Variants in ARID3B observed in about 807,000 individuals in gnomAD.
ARID3B encodes the protein AT-rich interaction domain 3B, also known as AT-rich interactive domain-containing protein 3B.
In ARID3B, 10 loss-of-function variants were observed where a neutral mutation model predicts 51.9. The ratio of observed to expected loss-of-function variants is 0.19; its 90% CI spans 0.12 to 0.33. The LOEUF (loss-of-function observed/expected upper bound fraction) is 0.33, where lower values mean the gene tolerates loss of function less well. Ranked by LOEUF, ARID3B falls within the 10% of genes least tolerant of loss-of-function variation. The pLI, the probability that ARID3B is intolerant of heterozygous loss-of-function variation, is 1.00. For synonymous variants in ARID3B, 205 were observed against 279.5 expected (o/e 0.73, Z 2.66); for missense variants, 483 against 716.3 (o/e 0.67, Z 3.72).
rs2141479344 is a variant in ARID3B at position 74,590,003 on chromosome 15, A to G, written c.881A>G (p.Gln294Arg). The change falls in exon 5 of 9, where the codon CAG becomes CGG. Residue 294 changes from glutamine to arginine, a missense_variant and splice_region_variant. By Grantham distance (43) the Gln-to-Arg change is conservative (BLOSUM62 1). Transcript: ENST00000346246. ...ITSAAFTLRT[Q>R]YMKYLYAYEC... ...AGCGCCGCCTTCACCCTCAGGACGCAGTGAGTGGCCAGGGCCTGGGAGAAG... is the reference window on the plus strand; with the variant it reads ...AGCGCCGCCTTCACCCTCAGGACGCGGTGAGTGGCCAGGGCCTGGGAGAAG... 6.2e-7 allele frequency: 1 copy of G among 1,608,784 alleles called. No individual in the cohort carries two copies. The highest frequency in any genetic ancestry group is 1.7e-5 in the Admixed American group (1 of 59,152).
rs373012795 is a variant in ARID3B at position 74,588,248 on chromosome 15, A to G, written c.698-1572A>G. Among the ~76,000 whole-genome samples the G allele has an allele frequency of 6.2e-3, 936 of 151,712 alleles. 3 individuals are homozygous for G. The highest frequency in any genetic ancestry group is 0.01 in the Non-Finnish European group (693 of 67,908). On this transcript the variant is annotated intron_variant, in intron 4 of 8. Transcript: ENST00000346246. Reference sequence around the variant, plus strand: ...GACCCTATCTTTTAAAAAAAAAAAAAAAGAAGAAGAAGAGGCCTGGTCCTG... The same window carrying G: ...GACCCTATCTTTTAAAAAAAAAAAAGAAGAAGAAGAAGAGGCCTGGTCCTG...
chr15:74,575,584 CTT>C (rs1453789046), intron 4 of ARID3B, among the ~76,000 whole-genome samples: 1 of 152,192 alleles, frequency 6.6e-6, no homozygotes, highest in Non-Finnish European at 1.5e-5. Context: ...AGAGAACAGT[CTT>C]TGCTGCATAT....
chr15:74,557,116 T>C (rs770466678), intron 2 of ARID3B, among the ~76,000 whole-genome samples: 19 of 151,950 alleles, frequency 1.3e-4, no homozygotes, highest in African/African-American at 4.1e-4. Flanking sequence ...CAGAGACTTA[T>C]ATGTAATAAA....
At chr15:74,577,860 T>G (rs2061743676) in intron 4 of ARID3B, among the ~76,000 whole-genome samples, 1 of 151,956 alleles carries the variant, frequency 6.6e-6, no homozygotes, top group South Asian at 2.1e-4. Flanking sequence ...TTTAATCATG[T>G]GAGGCTTGCT....
intron 2 of ARID3B, among the ~76,000 whole-genome samples, chr15:74,557,588 T>C (rs991294602): frequency 3.3e-5 from 5 of 152,204 alleles, no homozygotes; most frequent in African/African-American, 1.2e-4. Flanking sequence ...AGAAATCTAG[T>C]GTCAGTCTGT....
intron 2 of ARID3B, among the ~76,000 whole-genome samples, chr15:74,557,466 C>T (rs1019025109): frequency 3.9e-5 from 6 of 151,900 alleles, no homozygotes; most frequent in African/African-American, 7.2e-5. Context: ...TTTTATTTTG[C>T]CCTCACTTTT....
In ARID3B at chr15:74,596,987, G is replaced by A. The variant is rs889870588; in HGVS notation, c.*1213G>A. 8 of 233,928 alleles carry A rather than the reference G, an allele frequency of 3.4e-5. No homozygotes were observed. The highest frequency in any genetic ancestry group is 1.3e-4 in the African/African-American group (6 of 45,286). The allele number at this position is 233,928 out of a possible 1,614,324, so 14.5% of individuals were successfully genotyped here. On this transcript the variant is annotated 3_prime_UTR_variant, in exon 9 of 9. Transcript: ENST00000346246. The stretch of plus-strand genomic sequence containing the variant: ...GCGGGGAGGTGGAGTGGAGAGGCCC[G>A]CTCTCACACCGGGTCGGGCCCTGAA...
At chr15:74,580,539 C>T (rs900912826) in intron 4 of ARID3B, among the ~76,000 whole-genome samples, 1 of 152,126 alleles carries the variant, frequency 6.6e-6, no homozygotes, top group African/African-American at 2.4e-5. Flanking sequence ...CATTACAGAA[C>T]CCTTGCAACC....
At chr15:74,542,627 T>C (rs1376842457) in intron 1 of ARID3B, among the ~76,000 whole-genome samples, 2 of 152,256 alleles carry the variant, frequency 1.3e-5, no homozygotes, top group Non-Finnish European at 2.9e-5. Flanking sequence ...ACTTTGTTTT[T>C]TGTCTTTCGA....
intron 4 of ARID3B, among the ~76,000 whole-genome samples, chr15:74,581,134 G>A (rs2061760473): frequency 1.3e-5 from 2 of 152,230 alleles, no homozygotes; most frequent in African/African-American, 4.8e-5. Flanking sequence ...TCACATGGAA[G>A]ACAAGTTTTG....
At position 74,597,492 on chromosome 15, in the gene ARID3B, C is replaced by T. The variant is rs1567129367; in HGVS notation, c.*1718C>T. On this transcript the variant is annotated 3_prime_UTR_variant, in exon 9 of 9. Transcript: ENST00000346246. Reference sequence around the variant, plus strand: ...CTTCTCTCAGCCCTCCACACACACTCACCCCCACTCCCACACACATACACA... The same window carrying T: ...CTTCTCTCAGCCCTCCACACACACTTACCCCCACTCCCACACACATACACA... The T allele has an allele frequency of 9.4e-6, 5 of 533,812 alleles. No individual in the cohort carries two copies. The highest frequency in any genetic ancestry group is 1.8e-5 in the Non-Finnish European group (5 of 276,244). 33.1% of individuals were successfully genotyped at this position (533,812 alleles called of 1,614,324 possible). A position where few individuals can be genotyped will look rare whatever the true frequency, so the allele number is the denominator to read the frequency against.
At chr15:74,575,136 AG>A (rs1399633814) in intron 4 of ARID3B, 1 of 152,176 alleles carries the variant, frequency 6.6e-6, no homozygotes, top group Non-Finnish European at 1.5e-5. Context: ...ATTATTTACA[AG>A]CTCCACAAGC....
At chr15:74,556,846 C>T (rs1430619637) in intron 2 of ARID3B, among the ~76,000 whole-genome samples, 1 of 147,342 alleles carries the variant, frequency 6.8e-6, no homozygotes, top group African/African-American at 2.6e-5. Context: ...GCAATCTCGG[C>T]TCACTGCAAC....
intron 2 of ARID3B, among the ~76,000 whole-genome samples, chr15:74,569,147 A>G (rs1303709208): frequency 2.0e-5 from 3 of 152,312 alleles, no homozygotes; most frequent in South Asian, 2.1e-4. Context: ...AACCTGCTGC[A>G]CACAAACTTG....
intron 2 of ARID3B, among the ~76,000 whole-genome samples, chr15:74,561,024 A>G (rs1018805639): frequency 1.3e-5 from 2 of 152,264 alleles, no homozygotes; most frequent in South Asian, 2.1e-4. Context: ...GGCTCAAGCA[A>G]TCCTTGTGCT....
intron 4 of ARID3B, among the ~76,000 whole-genome samples, chr15:74,579,866 T>TGTGTGTGTGC (rs1555440724): frequency 7.9e-6 from 1 of 126,670 alleles, no homozygotes; most frequent in East Asian, 2.3e-4. Flanking sequence ...TGTGTGTGTG[T>TGTGTGTGTGC]GTGTGTGCGC....
Position 74,595,630 on chromosome 15 carries a change from G to A in ARID3B, c.1539G>A (p.Lys513=). Residue 513 remains lysine (K), a synonymous_variant, in exon 9 of 9, where the codon AAG becomes AAA. Transcript: ENST00000346246. ...ACCAAGGTGTGCTGTTTGCCCAGAA[G>A]CCTGTGGTCCACCTCATCACGGGGT... is the stretch of plus-strand genomic sequence containing the variant. ...TTYAGVLFAQ[K]PVVHLITGSA... 1 of 1,612,954 alleles carries A rather than the reference G, an allele frequency of 6.2e-7. No homozygotes were observed. Among genetic ancestry groups the A allele is most frequent in the Non-Finnish European group, 8.5e-7 (1 of 1,179,350 alleles).
chr15:74,579,803 A>C (rs1398695231), intron 4 of ARID3B, among the ~76,000 whole-genome samples: 1 of 148,742 alleles, frequency 6.7e-6, no homozygotes, highest in African/African-American at 2.5e-5. Context: ...TAGAACTCTG[A>C]TGCCCCTTTG....
chr15:74,552,777 T>G (rs2061642791), intron 2 of ARID3B, among the ~76,000 whole-genome samples: 1 of 152,346 alleles, frequency 6.6e-6, no homozygotes, highest in African/African-American at 2.4e-5. Context: ...AGCTTATTTC[T>G]TTTTGTGCTG....
Sources: allele counts gnomAD v4.1 joint callset (sites outside exome capture counted in the v4.1 genomes callset), GRCh38; gene constraint gnomAD v4.1.1; transcripts MANE v1.5; gene names NCBI Gene and HGNC (gene_info 2026-07-23, HGNC 2026-07-21).